The following GPR84 variants were observed in gnomAD, a reference collection of about 807,000 sequenced individuals.
The protein encoded by GPR84 is G protein-coupled receptor 84, also known as G-protein coupled receptor 84.
Under a neutral mutation model 14.9 loss-of-function variants are expected in GPR84, and 8 were observed. The observed-to-expected ratio is 0.54, with a 90% CI of 0.31 to 0.97. The LOEUF is 0.97. Among genes scored for constraint, GPR84 ranks in the 50% least tolerant of loss-of-function variants. The pLI is 0.04. For missense variants in GPR84, 424 were observed against 498.7 expected (o/e 0.85, Z 1.43); for synonymous variants, 164 against 198.1 (o/e 0.83, Z 1.45).
the GPR84 span, among the ~76,000 whole-genome samples, chr12:54,352,030 G>T: frequency 1.8e-4 from 27 of 151,866 alleles, no homozygotes; most frequent in Non-Finnish European, 3.2e-4. Flanking sequence ...CCGTCCCCTC[G>T]CCTGGAAATT....
At chr12:54,356,011 T>C in the GPR84 span, among the ~76,000 whole-genome samples, 1 of 152,186 alleles carries the variant, frequency 6.6e-6, no homozygotes, top group Non-Finnish European at 1.5e-5. Flanking sequence ...ATGAGATTGA[T>C]ATCTTAGGGT....
Position 54,362,683 on chromosome 12 carries a change from C to T in GPR84, c.1169G>A (p.Arg390Gln), listed in dbSNP as rs370049550. ...GTTCTAATGGAGCCTATGGAAACTC[C>T]GGGGCCCTCTTTTTAAAATGGAGCC... Reference protein sequence around the residue: ...AYGSILKRGPRSFHRLH With the variant: ...AYGSILKRGPQSFHRLH The change falls in exon 2 of 2, where the codon CGG (arginine) becomes CAG (glutamine). Residue 390 changes from arginine (R) to glutamine (Q), a missense_variant. By Grantham distance (43) the Arg-to-Gln change is conservative. Transcript: ENST00000267015. The surrounding 1 kb of genome is among the most constrained non-coding windows in gnomAD (Gnocchi z 4.0). 2.1e-5 allele frequency: 33 copies of T among 1,609,216 alleles called. No homozygotes were observed. Among genetic ancestry groups the T allele is most frequent in the Middle Eastern group, 1.7e-4 (1 of 6,014 alleles).
chr12:54,361,620 C>T (rs1304889843), downstream of GPR84, among the ~76,000 whole-genome samples: 2 of 152,214 alleles, frequency 1.3e-5, no homozygotes. This position sits in a 1 kb window ranked among gnomAD's most constrained non-coding sequence, Gnocchi z 4.3. Context: ...ATCCACCTGC[C>T]TCTGCCTCCC....
intron 1 of GPR84, 171 bp from the exon 2 acceptor site, chr12:54,364,030 C>T (rs1954303010): frequency 1.9e-6 from 1 of 517,644 alleles, no homozygotes; most frequent in Non-Finnish European, 3.4e-6. Context: ...CCCTAACTCT[C>T]TCCTTAGGTT....
At chr12:54,357,651 T>C (rs1459498243), downstream of GPR84, among the ~76,000 whole-genome samples, 5 of 152,214 alleles carry the variant, frequency 3.3e-5, no homozygotes, top group African/African-American at 1.2e-4. Context: ...CCCACATTCC[T>C]AGCCTCCTTT....
chr12:54,357,359 T>C, the GPR84 span, among the ~76,000 whole-genome samples: 1 of 152,204 alleles, frequency 6.6e-6, no homozygotes, highest in Non-Finnish European at 1.5e-5. Flanking sequence ...TCCCCAGCTC[T>C]GTTTTCCTTA....
the GPR84 span, among the ~76,000 whole-genome samples, chr12:54,355,353 T>TGTGTGTGTGTGC: frequency 4.0e-4 from 61 of 151,536 alleles, no homozygotes; most frequent in African/African-American, 1.3e-3. Context: ...TGTGTGTGTG[T>TGTGTGTGTGTGC]GCGCATGGCA....
At chr12:54,352,499 T>C in the GPR84 span, among the ~76,000 whole-genome samples, 2 of 152,132 alleles carry the variant, frequency 1.3e-5, no homozygotes, top group Non-Finnish European at 2.9e-5. Context: ...TCCCCCTTCC[T>C]CTGCAGGATT....
Position 54,363,044 on chromosome 12 carries a change from C to G in GPR84, c.808G>C (p.Asp270His). Residue 270 changes from aspartate (D) to histidine (H), a missense_variant, in exon 2 of 2, where the codon GAC becomes CAC. Transcript: ENST00000267015. The part of the protein sequence containing the change: ...SAATTQTLEG[D>H]SSEVGDQINS... ...ATCTGGTCTCCCACTTCTGATGAGT[C>G]CCCTTCCAGGGTCTGGGTGGTGGCA... is the stretch of plus-strand genomic sequence containing the variant. 1 of 1,614,158 alleles carries G rather than the reference C, an allele frequency of 6.2e-7. No individual in the cohort carries two copies. The highest frequency in any genetic ancestry group is 8.5e-7 in the Non-Finnish European group (1 of 1,180,034).
chr12:54,359,602 G>A (rs994465449), downstream of GPR84, among the ~76,000 whole-genome samples: 2 of 152,128 alleles, frequency 1.3e-5, no homozygotes, highest in Admixed American at 1.3e-4. Context: ...ACTCGGGCGA[G>A]AGACTGACAG....
At chr12:54,361,170 CTTTCTTTTTCT>C (rs1244911492), downstream of GPR84, among the ~76,000 whole-genome samples, 1 of 150,932 alleles carries the variant, frequency 6.6e-6, no homozygotes, top group Non-Finnish European at 1.5e-5. This position sits in a 1 kb window ranked among gnomAD's most constrained non-coding sequence, Gnocchi z 4.3. Flanking sequence ...TGTTTTCCTG[CTTTCTTTTTCT>C]TTTCTTTTTT....
rs751065100 is a variant in GPR84 at position 54,363,147 on chromosome 12, A to C, written c.705T>G (p.Pro235=). 5.0e-6 allele frequency: 8 copies of C among 1,614,204 alleles called. No individual in the cohort carries two copies. In the Admixed American group the frequency reaches 1.3e-4, roughly 27 times the overall value. The change falls in exon 2 of 2, where the codon CCT becomes CCG. Residue 235 remains proline (P), a synonymous_variant. Transcript: ENST00000267015. Reference sequence around the variant, plus strand: ...TGCTGTCCAGCTCCTGGAAACGACCAGGCATGGCCTCATCAGTCCTGGCCA... The same window carrying C: ...TGCTGTCCAGCTCCTGGAAACGACCCGGCATGGCCTCATCAGTCCTGGCCA... ...NHVARTDEAM[P]GRFQELDSRL...
At chr12:54,361,545 AT>A (rs1954269062), downstream of GPR84, among the ~76,000 whole-genome samples, 1 of 151,676 alleles carries the variant, frequency 6.6e-6, no homozygotes, top group African/African-American at 2.4e-5. The surrounding 1 kb of genome is among the most constrained non-coding windows in gnomAD (Gnocchi z 4.3). Context: ...TAATTTTTCT[AT>A]TTTTAGTAGA....
At chr12:54,357,164 C>G in the GPR84 span, among the ~76,000 whole-genome samples, 2 of 152,178 alleles carry the variant, frequency 1.3e-5, no homozygotes, top group Non-Finnish European at 2.9e-5. Flanking sequence ...GACATCAGCT[C>G]CTTCCCCTCT....
chr12:54,362,735 T>G lies in GPR84; in HGVS notation c.1117A>C (p.Met373Leu), dbSNP rs1331523743. 1 of 1,614,174 alleles carries G rather than the reference T, an allele frequency of 6.2e-7. No individual in the cohort carries two copies. The highest frequency in any genetic ancestry group is 8.5e-7 in the Non-Finnish European group (1 of 1,180,030). Reference sequence around the variant, plus strand: ...TATGCTTGGCGGAATTGGCGGTTCATGGCTGCATAGAGCACAGGGTTGATG... The same window carrying G: ...TATGCTTGGCGGAATTGGCGGTTCAGGGCTGCATAGAGCACAGGGTTGATG... ...GCINPVLYAA[M>L]NRQFRQAYGS... is the part of the protein sequence containing the mutation. Residue 373 changes from methionine (M) to leucine (L), a missense_variant, in exon 2 of 2, where the codon ATG becomes CTG. Transcript: ENST00000267015. The surrounding 1 kb of genome is among the most constrained non-coding windows in gnomAD (Gnocchi z 4.0).
downstream of GPR84, among the ~76,000 whole-genome samples, chr12:54,360,143 T>A (rs1358699460): frequency 6.6e-6 from 1 of 152,128 alleles, no homozygotes; most frequent in Non-Finnish European, 1.5e-5. Flanking sequence ...TCTGGACACT[T>A]GATCCTAGTT....
At position 54,363,480 on chromosome 12, in the gene GPR84, G is replaced by C; in HGVS notation, c.372C>G (p.His124Gln). 1.9e-6 allele frequency: 3 copies of C among 1,614,132 alleles called. No homozygotes were observed. Among genetic ancestry groups the C allele is most frequent in the Non-Finnish European group, 1.7e-6 (2 of 1,179,974 alleles). The change falls in exon 2 of 2, where the codon CAC (histidine) becomes CAG (glutamine). Residue 124 changes from histidine to glutamine, a missense_variant. By Grantham distance (24) the His-to-Gln change is conservative. Transcript: ENST00000267015. The stretch of plus-strand genomic sequence containing the variant: ...TGAAAACTTGGGGAAAAAGCTTAGG[G>C]TGGGCAATGAGGAGGTAGCGTCCCA... The part of the protein sequence containing the change: ...IALGRYLLIA[H>Q]PKLFPQVFSA...
chr12:54,361,934 A>G (rs1229597635), downstream of GPR84, among the ~76,000 whole-genome samples: 1 of 152,236 alleles, frequency 6.6e-6, no homozygotes, highest in Admixed American at 6.5e-5. This position sits in a 1 kb window ranked among gnomAD's most constrained non-coding sequence, Gnocchi z 4.3. Context: ...CTTTGCCTTA[A>G]CTAAGCTCAG....
downstream of GPR84, among the ~76,000 whole-genome samples, chr12:54,360,595 G>A (rs1954258915): frequency 6.6e-6 from 1 of 152,206 alleles, no homozygotes; most frequent in Non-Finnish European, 1.5e-5. Context: ...ACAACCAAAA[G>A]TGCATGTTCC....
Sources: allele counts gnomAD v4.1 joint callset (sites outside exome capture counted in the v4.1 genomes callset), GRCh38; gene constraint gnomAD v4.1.1; non-coding constraint Gnocchi (gnomAD v3.1); transcripts MANE v1.5; gene names NCBI Gene and HGNC (gene_info 2026-07-23, HGNC 2026-07-21).